The following BNIP5 variants were observed in gnomAD, a reference collection of about 807,000 sequenced individuals.
BNIP5 encodes the protein protein BNIP5.
Under a neutral mutation model 67.3 loss-of-function variants are expected in BNIP5, and 61 were observed. The observed-to-expected ratio is 0.91, with a 90% confidence interval of 0.74 to 1.12. BNIP5 has a LOEUF of 1.12. Ranked by LOEUF, BNIP5 falls within the 50% of genes most tolerant of loss-of-function variation. The pLI is 0.00. For missense variants in BNIP5, 826 were observed against 816.3 expected (o/e 1.01, Z -0.14); for synonymous variants, 317 against 319.0 (o/e 0.99, Z 0.07).
rs1771539254 is a variant in BNIP5 at position 36,317,228 on chromosome 6, T to A, written c.*128A>T. 1 of 804,122 alleles carries A rather than the reference T, an allele frequency of 1.2e-6. No homozygotes were observed. Among genetic ancestry groups the A allele is most frequent in the South Asian group, 1.4e-5 (1 of 72,576 alleles). 49.8% of individuals were successfully genotyped at this position (804,122 alleles called of 1,614,324 possible). A position where few individuals can be genotyped will look rare whatever the true frequency, so the allele number is the denominator to read the frequency against. On this transcript the variant is annotated 3_prime_UTR_variant, in exon 12 of 12. Transcript: ENST00000437635. Reference sequence around the variant, plus strand: ...CTAGGGTATGGACACAGAATGATTGTCTGCTCTTGTCTTCCATCACGTTTG... The same window carrying A: ...CTAGGGTATGGACACAGAATGATTGACTGCTCTTGTCTTCCATCACGTTTG...
At chr6:36,326,946 G>A (rs1300153186) in intron 4 of BNIP5, 84 bp downstream of exon 4, 3 of 1,430,240 alleles carry the variant, frequency 2.1e-6, no homozygotes, top group Non-Finnish European at 3.0e-6. Context: ...CTAGAGCCCG[G>A]CCTGCAAGGA....
At position 36,330,135 on chromosome 6, in the gene BNIP5, T is replaced by C. The variant is rs751426462; in HGVS notation, c.556A>G (p.Lys186Glu). Residue 186 changes from lysine to glutamate, a missense_variant, in exon 2 of 12, where the codon AAG becomes GAG. By Grantham distance (56) the Lys-to-Glu change is moderately conservative (BLOSUM62 1). Coordinates refer to ENST00000437635, the MANE Select transcript of BNIP5 (RefSeq NM_001010903.5). ...EARGREEGLS[K>E]AAAALRSGEA... is the part of the protein sequence containing the mutation. ...CCGGAGCGCAAGGCAGCAGCTGCCT[T>C]GGACAACCCTTCCTCTCGGCCTCTG... 1 of 1,612,946 alleles carries C rather than the reference T, an allele frequency of 6.2e-7. No individual in the cohort carries two copies. Among genetic ancestry groups the C allele is most frequent in the Admixed American group, 1.7e-5 (1 of 59,992 alleles).
rs1166235841 is a variant in BNIP5, at chr6:36,316,546, C to T, written c.*810G>A. Reference sequence around the variant, plus strand: ...TATGGTGCTCTTGAGCAGTGCACCCCTGTGCAACAATCCATGGCAGTCCAG... The same window carrying T: ...TATGGTGCTCTTGAGCAGTGCACCCTTGTGCAACAATCCATGGCAGTCCAG... On this transcript the variant is annotated 3_prime_UTR_variant, in exon 12 of 12. Coordinates refer to ENST00000437635, the MANE Select transcript of BNIP5 (RefSeq NM_001010903.5). 7.5e-6 allele frequency: 3 copies of T among 398,556 alleles called. No individual in the cohort carries two copies. The East Asian group carries it at 1.1e-4, about 14-fold the overall frequency. 24.7% of individuals were successfully genotyped at this position (398,556 alleles called of 1,614,324 possible).
rs1369795998 is a variant in BNIP5 at position 36,322,394 on chromosome 6, G to C, written c.1520C>G (p.Pro507Arg). Residue 507 changes from proline (P) to arginine (R), a missense_variant, in exon 9 of 12, where the codon CCA becomes CGA. Physicochemically the swap from Pro to Arg is moderately radical, Grantham distance 103 (BLOSUM62 -2). Transcript: ENST00000437635. ...CREPLPAEGEPVVISEAPSQA... is the reference protein window; with the variant it reads ...CREPLPAEGERVVISEAPSQA... ...GGAGGGTGCTTCTGAGATCACAACT[G>C]GCTCCCCTTCTGCGGGCAGGGGCTC... is the stretch of plus-strand genomic sequence containing the variant. The C allele has an allele frequency of 1.2e-6, 2 of 1,614,084 alleles. No homozygotes were observed. Among genetic ancestry groups the C allele is most frequent in the South Asian group, 2.2e-5 (2 of 91,084 alleles).
Position 36,323,375 on chromosome 6 carries a change from G to A in BNIP5, c.1389C>T (p.Ser463=), listed in dbSNP as rs1459728171. The A allele has an allele frequency of 6.2e-7, 1 of 1,614,162 alleles. No homozygotes were observed. Among genetic ancestry groups the A allele is most frequent in the Admixed American group, 1.7e-5 (1 of 60,014 alleles). The change falls in exon 8 of 12, where the codon AGC becomes AGT. Residue 463 remains serine (S), a synonymous_variant. Coordinates refer to ENST00000437635, the MANE Select transcript of BNIP5 (RefSeq NM_001010903.5). ...GCCTCTTGGGTCGTCGGGCCTCTGG[G>A]CTGGCAGCCCCTGCTGCCCCCGCTC... ...PRRAGAAGAA[S]PEARRPKRPS...
At chr6:36,321,834 A>G (rs1254332293) in intron 9 of BNIP5, among the ~76,000 whole-genome samples, 1 of 152,178 alleles carries the variant, frequency 6.6e-6, no homozygotes, top group Non-Finnish European at 1.5e-5. Context: ...CAGCCTCCCA[A>G]GTAGCTGGGA....
chr6:36,326,814 G>T, intron 4 of BNIP5, 61 bp from the exon 5 acceptor site: 1 of 1,604,408 alleles, frequency 6.2e-7, no homozygotes, highest in Non-Finnish European at 8.5e-7. Flanking sequence ...AAAGCTCTCT[G>T]GAGGCAAGTG....
At chr6:36,325,232 C>T in intron 6 of BNIP5, 51 bp downstream of exon 6, 1 of 1,597,150 alleles carries the variant, frequency 6.3e-7, no homozygotes, top group Non-Finnish European at 8.6e-7. Flanking sequence ...GTGGGGGAGT[C>T]AGAACAGAAG....
At chr6:36,318,542 T>C (rs975789381) in intron 11 of BNIP5, among the ~76,000 whole-genome samples, 4 of 149,462 alleles carry the variant, frequency 2.7e-5, no homozygotes, top group African/African-American at 9.9e-5. Flanking sequence ...AATCCATCTC[T>C]ATACCAAAAA....
At chr6:36,333,855 C>G (rs1273117978) in intron 1 of BNIP5, among the ~76,000 whole-genome samples, 1 of 152,166 alleles carries the variant, frequency 6.6e-6, no homozygotes, top group Non-Finnish European at 1.5e-5. Flanking sequence ...TCCATATGTT[C>G]CTGTGGTCAG....
In BNIP5 at chr6:36,317,506, T is replaced by C. The variant is rs941525440; in HGVS notation, c.1924-115A>G. 18 of 883,038 alleles carry C rather than the reference T, an allele frequency of 2.0e-5. No homozygotes were observed. The African/African-American group carries it at 2.8e-4, about 14-fold the overall frequency. 54.7% of individuals were successfully genotyped at this position (883,038 alleles called of 1,614,324 possible). A position where few individuals can be genotyped will look rare whatever the true frequency, so the allele number is the denominator to read the frequency against. On this transcript the variant is annotated intron_variant, in intron 11 of 11. Coordinates refer to ENST00000437635, the MANE Select transcript of BNIP5 (RefSeq NM_001010903.5). ...GACACCCCACCCCAGCCTCCATCTCTGGGTCTTTGTTCTTGCAACACCTCC... is the reference window on the plus strand; with the variant it reads ...GACACCCCACCCCAGCCTCCATCTCCGGGTCTTTGTTCTTGCAACACCTCC...
At chr6:36,334,245 C>T (rs941088172) in intron 1 of BNIP5, among the ~76,000 whole-genome samples, 11 of 152,174 alleles carry the variant, frequency 7.2e-5, no homozygotes, top group African/African-American at 2.2e-4. Context: ...CCTGAGCCCC[C>T]GGGGAGATGA....
In BNIP5 at chr6:36,323,358, G is replaced by C. The variant is rs1771678859; in HGVS notation, c.1406C>G (p.Pro469Arg). The C allele has an allele frequency of 6.2e-7, 1 of 1,614,162 alleles. No individual in the cohort carries two copies. Among genetic ancestry groups the C allele is most frequent in the African/African-American group, 1.3e-5 (1 of 74,958 alleles). ...AGAASPEARR[P>R]KRPSFLPLCV... ...CAGGGGCAGAAAGCTGGGCCTCTTG[G>C]GTCGTCGGGCCTCTGGGCTGGCAGC... is the stretch of plus-strand genomic sequence containing the variant. The change falls in exon 8 of 12, where the codon CCC becomes CGC. Residue 469 changes from proline to arginine, a missense_variant. Physicochemically the swap from Pro to Arg is moderately radical, Grantham distance 103. Coordinates refer to ENST00000437635, the MANE Select transcript of BNIP5 (RefSeq NM_001010903.5).
chr6:36,333,612 G>T (rs970292283), intron 1 of BNIP5, among the ~76,000 whole-genome samples: 17 of 152,216 alleles, frequency 1.1e-4, no homozygotes, highest in African/African-American at 4.1e-4. Flanking sequence ...GATGCAGTGT[G>T]TGCCCCCAGA....
chr6:36,330,619 G>A lies in BNIP5; in HGVS notation c.72C>T (p.Ala24=). Residue 24 remains alanine (A), a synonymous_variant, in exon 2 of 12, where the codon GCC becomes GCT. Coordinates refer to ENST00000437635, the MANE Select transcript of BNIP5 (RefSeq NM_001010903.5). The part of the protein sequence containing the change: ...KKARSLDRPQ[A]PGKGSESWDC... Reference sequence around the variant, plus strand: ...CCCACGACTCCGAGCCTTTCCCGGGGGCCTGCGGCCTGTCCAGAGACCTGG... The same window carrying A: ...CCCACGACTCCGAGCCTTTCCCGGGAGCCTGCGGCCTGTCCAGAGACCTGG... 6.2e-7 allele frequency: 1 copy of A among 1,609,182 alleles called. No individual in the cohort carries two copies.
chr6:36,318,369 G>T lies in BNIP5; in HGVS notation c.1924-978C>A, dbSNP rs539445697. Among the ~76,000 whole-genome samples the T allele has an allele frequency of 1.4e-4, 21 of 152,188 alleles. No individual in the cohort carries two copies. The East Asian group carries it at 3.7e-3, about 27-fold the overall frequency. On this transcript the variant is annotated intron_variant, in intron 11 of 11. Transcript: ENST00000437635. ...GTTAAGTGAATTAGAAAAGGATGAAGAAATCTTTATCAGAGTCCACCAGAA... is the reference window on the plus strand; with the variant it reads ...GTTAAGTGAATTAGAAAAGGATGAATAAATCTTTATCAGAGTCCACCAGAA...
intron 5 of BNIP5, among the ~76,000 whole-genome samples, chr6:36,326,139 T>C (rs910311077): frequency 1.3e-5 from 2 of 152,160 alleles, no homozygotes; most frequent in Non-Finnish European, 2.9e-5. Flanking sequence ...GGGAATGACA[T>C]AGACAATATG....
chr6:36,319,761 T>G, intron 10 of BNIP5, 151 bp from the exon 11 acceptor site: 2 of 877,082 alleles, frequency 2.3e-6, no homozygotes, highest in Non-Finnish European at 3.4e-6. Context: ...CCCTAGCCTC[T>G]CAGAATCTGT....
chr6:36,325,652 C>T (rs1454814413), intron 5 of BNIP5, among the ~76,000 whole-genome samples: 2 of 152,214 alleles, frequency 1.3e-5, no homozygotes, highest in Admixed American at 1.3e-4. Flanking sequence ...CCTCTCCTCC[C>T]TCCACCATTT....
Sources: gnomAD v4.1 joint callset for allele counts (sites outside exome capture counted in the v4.1 genomes callset) on GRCh38, gnomAD v4.1.1 for gene constraint, MANE v1.5 for transcripts, NCBI Gene and HGNC (gene_info 2026-07-23, HGNC 2026-07-21) for gene names.